Variants in LRRTM4 observed in about 807,000 individuals in gnomAD.
LRRTM4 encodes leucine-rich repeat transmembrane neuronal protein 4.
Under a neutral mutation model 47.6 loss-of-function variants are expected in LRRTM4, and 25 were observed. That is an observed-to-expected ratio of 0.53 (90% CI 0.38 to 0.73). LRRTM4 has a LOEUF of 0.73. Ranked by LOEUF, LRRTM4 falls within the 30% of genes least tolerant of loss-of-function variation. The pLI is 0.00. For synonymous variants in LRRTM4, 311 were observed against 269.5 expected (o/e 1.15, Z -1.51); for missense variants, 638 against 713.4 (o/e 0.89, Z 1.20).
At chr2:77,056,215 TTA>T (rs1679603357) in intron 3 of LRRTM4, among the ~76,000 whole-genome samples, 1 of 150,072 alleles carries the variant, frequency 6.7e-6, no homozygotes, top group Admixed American at 6.7e-5. Flanking sequence ...GTGAGAATAA[TTA>T]TGTGATATAT....
chr2:77,406,916 G>A (rs2103848862), intron 3 of LRRTM4, among the ~76,000 whole-genome samples: 1 of 152,206 alleles, frequency 6.6e-6, no homozygotes, highest in Admixed American at 6.5e-5. Flanking sequence ...AAATAACTGG[G>A]GAAATATACT....
chr2:77,024,586 T>C (rs1004858428), intron 3 of LRRTM4, among the ~76,000 whole-genome samples: 1 of 152,030 alleles, frequency 6.6e-6, no homozygotes, highest in African/African-American at 2.4e-5. Context: ...TACTAATGAA[T>C]TGGAAAACCA....
intron 3 of LRRTM4, among the ~76,000 whole-genome samples, chr2:77,131,349 T>C (rs1558595971): frequency 1.3e-5 from 2 of 152,268 alleles, no homozygotes; most frequent in African/African-American, 4.8e-5. Flanking sequence ...GAAAGAAATA[T>C]CAGCTCTCCT....
At chr2:77,295,854 A>C (rs1676959191) in intron 3 of LRRTM4, among the ~76,000 whole-genome samples, 1 of 152,172 alleles carries the variant, frequency 6.6e-6, no homozygotes, top group South Asian at 2.1e-4. Context: ...TTAAAGACTT[A>C]GTCTCCAAAT....
chr2:76,748,410 T>G lies in LRRTM4; in HGVS notation c.*285A>C. 1 of 414,434 alleles carries G rather than the reference T, an allele frequency of 2.4e-6. No individual in the cohort carries two copies. The highest frequency in any genetic ancestry group is 4.4e-6 in the Non-Finnish European group (1 of 228,662). The allele number at this position is 414,434 out of a possible 1,614,324, so 25.7% of individuals were successfully genotyped here. A position where few individuals can be genotyped will look rare whatever the true frequency, so the allele number is the denominator to read the frequency against. On this transcript the variant is annotated 3_prime_UTR_variant, in exon 4 of 4. Transcript: ENST00000409884. Reference sequence around the variant, plus strand: ...TATATGTAGCTAGGGTGAAATCTATTTTTATAAGAACTTGACACTCTTACT... The same window carrying G: ...TATATGTAGCTAGGGTGAAATCTATGTTTATAAGAACTTGACACTCTTACT...
At chr2:76,767,379 C>T (rs2104101088) in intron 3 of LRRTM4, among the ~76,000 whole-genome samples, 1 of 152,268 alleles carries the variant, frequency 6.6e-6, no homozygotes, top group Non-Finnish European at 1.5e-5. Flanking sequence ...ATTGAAAACT[C>T]ATTTAGTGTT....
chr2:76,769,519 G>T (rs971144446), intron 3 of LRRTM4, among the ~76,000 whole-genome samples: 36 of 148,030 alleles, frequency 2.4e-4, no homozygotes, highest in African/African-American at 8.6e-4. Flanking sequence ...AAGCTCACTT[G>T]CAACTGAAAA....
intron 3 of LRRTM4, among the ~76,000 whole-genome samples, chr2:77,025,459 C>T (rs1387405994): frequency 6.6e-6 from 1 of 152,114 alleles, no homozygotes; most frequent in Non-Finnish European, 1.5e-5. Flanking sequence ...TGGGCATTAA[C>T]CTCTTCTGGT....
chr2:77,086,979 AC>A (rs1680738846), intron 3 of LRRTM4, among the ~76,000 whole-genome samples: 1 of 150,450 alleles, frequency 6.6e-6, no homozygotes, highest in Admixed American at 6.6e-5. Flanking sequence ...TAAAACTGCA[AC>A]CTTTTAAACC....
intron 3 of LRRTM4, among the ~76,000 whole-genome samples, chr2:77,413,677 AAC>A (rs1674527800): frequency 6.6e-6 from 1 of 152,072 alleles, no homozygotes; most frequent in African/African-American, 2.4e-5. Context: ...TAAGAAGCAA[AAC>A]ACAAATAACC....
At chr2:77,111,481 A>T (rs888000737) in intron 3 of LRRTM4, among the ~76,000 whole-genome samples, 3 of 151,934 alleles carry the variant, frequency 2.0e-5, no homozygotes, top group Non-Finnish European at 4.4e-5. Context: ...ACCCAGGTCA[A>T]CCAAAGTGCG....
At chr2:76,793,183 AT>A (rs1256064407) in intron 3 of LRRTM4, among the ~76,000 whole-genome samples, 3 of 152,168 alleles carry the variant, frequency 2.0e-5, no homozygotes, top group Non-Finnish European at 2.9e-5. Context: ...AGTGTAACCT[AT>A]TTATACTCTA....
chr2:77,274,561 G>T (rs763493950), intron 3 of LRRTM4, among the ~76,000 whole-genome samples: 1 of 152,120 alleles, frequency 6.6e-6, no homozygotes, highest in Non-Finnish European at 1.5e-5. Flanking sequence ...TACTCGATCA[G>T]TAATTTCAAA....
intron 3 of LRRTM4, among the ~76,000 whole-genome samples, chr2:77,245,740 T>G (rs929888836): frequency 6.6e-6 from 1 of 152,104 alleles, no homozygotes. Flanking sequence ...AACATCTACA[T>G]GTAGCATGTG....
intron 3 of LRRTM4, among the ~76,000 whole-genome samples, chr2:77,032,489 A>G (rs1678695866): frequency 6.6e-6 from 1 of 152,124 alleles, no homozygotes; most frequent in African/African-American, 2.4e-5. Flanking sequence ...TCACGTTGCC[A>G]TCTGTTAGAG....
intron 3 of LRRTM4, among the ~76,000 whole-genome samples, chr2:77,101,135 A>C (rs1307717515): frequency 6.6e-6 from 1 of 152,052 alleles, no homozygotes; most frequent in Non-Finnish European, 1.5e-5. Context: ...AGTTAATCTT[A>C]CCATCTATAG....
intron 3 of LRRTM4, among the ~76,000 whole-genome samples, chr2:77,333,931 C>A (rs528555702): frequency 6.6e-6 from 1 of 152,312 alleles, no homozygotes; most frequent in South Asian, 2.1e-4. Flanking sequence ...GGCAGAGCTG[C>A]CTAAGACCAT....
chr2:77,216,556 T>A (rs1674446083), intron 3 of LRRTM4, among the ~76,000 whole-genome samples: 2 of 151,798 alleles, frequency 1.3e-5, no homozygotes, highest in South Asian at 4.1e-4. Flanking sequence ...AATAAATAAA[T>A]AAATAAATAA....
intron 3 of LRRTM4, among the ~76,000 whole-genome samples, chr2:76,925,310 A>G (rs2103818677): frequency 6.6e-6 from 1 of 152,232 alleles, no homozygotes; most frequent in African/African-American, 2.4e-5. Flanking sequence ...TGACAGCCTC[A>G]ATCCTTCAAC....
Sources: gnomAD v4.1 joint callset for allele counts (sites outside exome capture counted in the v4.1 genomes callset) on GRCh38, gnomAD v4.1.1 for gene constraint, MANE v1.5 for transcripts, NCBI Gene and HGNC (gene_info 2026-07-23, HGNC 2026-07-21) for gene names.